The following SBF2 variants were observed in gnomAD, a reference collection of about 807,000 sequenced individuals.
SBF2 encodes the protein SET binding factor 2.
Under a neutral mutation model 225.2 loss-of-function variants are expected in SBF2, and 112 were observed. The ratio of observed to expected loss-of-function variants is 0.50; its 90% CI spans 0.43 to 0.58. The LOEUF is 0.58. SBF2 is among the 20% of genes least tolerant of loss of function. The pLI is 0.00. For synonymous variants in SBF2, 763 were observed against 773.3 expected, an observed-to-expected ratio of 0.99 and a Z score of 0.22; for missense variants, 1,996 against 2,206.2, an observed-to-expected ratio of 0.90 and a Z score of 1.91.
chr11:9,828,499 A>C, intron 28 of SBF2: 2 of 985,462 alleles, frequency 2.0e-6, no homozygotes, highest in Non-Finnish European at 2.4e-6. Context: ...AAGAAAAGCC[A>C]CTTTCTGCTT....
At chr11:10,262,667 TGTCA>T (rs1259733939) in intron 1 of SBF2, among the ~76,000 whole-genome samples, 4 of 152,336 alleles carry the variant, frequency 2.6e-5, no homozygotes, top group African/African-American at 4.8e-5. Context: ...AAAAGACAAC[TGTCA>T]GTCAACTAAA....
intron 17 of SBF2, among the ~76,000 whole-genome samples, chr11:9,892,290 T>C (rs891799290): frequency 2.6e-5 from 4 of 151,978 alleles, no homozygotes; most frequent in East Asian, 3.9e-4. Context: ...GGCTGATTTT[T>C]GTATTTTTAG....
chr11:10,030,504 A>G (rs1949214276), intron 4 of SBF2, among the ~76,000 whole-genome samples: 1 of 152,208 alleles, frequency 6.6e-6, no homozygotes, highest in Non-Finnish European at 1.5e-5. Flanking sequence ...CTCAATTTCT[A>G]GAAAAGTTTT....
At chr11:10,097,478 G>A (rs1026890142) in intron 2 of SBF2, among the ~76,000 whole-genome samples, 1 of 152,086 alleles carries the variant, frequency 6.6e-6, no homozygotes, top group Non-Finnish European at 1.5e-5. Flanking sequence ...TTCAGGCAGA[G>A]ACCACGAAAC....
At chr11:10,180,025 C>T (rs1956668846) in intron 2 of SBF2, among the ~76,000 whole-genome samples, 1 of 152,052 alleles carries the variant, frequency 6.6e-6, no homozygotes, top group Non-Finnish European at 1.5e-5. Context: ...CACTTTTTAA[C>T]TTTTTGTTGT....
intron 1 of SBF2, among the ~76,000 whole-genome samples, chr11:10,278,445 A>T (rs1241848705): frequency 6.6e-6 from 1 of 152,254 alleles, no homozygotes; most frequent in East Asian, 1.9e-4. Context: ...AAATCTTATA[A>T]TATTTAATGA....
At chr11:9,964,875 T>C (rs1590625647) in intron 14 of SBF2, among the ~76,000 whole-genome samples, 1 of 152,206 alleles carries the variant, frequency 6.6e-6, no homozygotes, top group Non-Finnish European at 1.5e-5. Flanking sequence ...ATCAATAGTT[T>C]TTTTTTGCAT....
intron 16 of SBF2, among the ~76,000 whole-genome samples, chr11:9,906,663 C>A (rs993400736): frequency 6.6e-6 from 1 of 152,200 alleles, no homozygotes; most frequent in Non-Finnish European, 1.5e-5. Flanking sequence ...CAACCGCATT[C>A]CAGAATTGTG....
rs1388585918 is a variant in SBF2, at chr11:9,856,708, C to G, written c.2113G>C (p.Asp705His). 1.2e-6 allele frequency: 2 copies of G among 1,613,838 alleles called. No individual in the cohort carries two copies. The highest frequency in any genetic ancestry group is 2.2e-5 in the East Asian group (1 of 44,882). The change falls in exon 19 of 40, where the codon GAT (aspartate) becomes CAT (histidine). Residue 705 changes from aspartate (D) to histidine (H), a missense_variant. Coordinates refer to ENST00000256190, the MANE Select transcript of SBF2 (RefSeq NM_030962.4). ...GCTGTCTTCTCCTGATAATGGTCATCAGGAAGCTTATCCTAAAAAATAAAG... is the reference window on the plus strand; with the variant it reads ...GCTGTCTTCTCCTGATAATGGTCATGAGGAAGCTTATCCTAAAAAATAAAG... ...PHLKQKDKLP[D>H]DHYQEKTAMD...
chr11:10,152,410 G>T (rs899454873), intron 2 of SBF2, among the ~76,000 whole-genome samples: 1 of 151,964 alleles, frequency 6.6e-6, no homozygotes, highest in Non-Finnish European at 1.5e-5. Flanking sequence ...TTAGCCGGGC[G>T]TGGTGGTGCA....
intron 1 of SBF2, among the ~76,000 whole-genome samples, chr11:10,200,545 C>T (rs1957534922): frequency 6.6e-6 from 1 of 152,130 alleles, no homozygotes; most frequent in Admixed American, 6.5e-5. Flanking sequence ...CTTTTTAAAA[C>T]ATGTTTAATG....
intron 16 of SBF2, among the ~76,000 whole-genome samples, chr11:9,930,212 T>A (rs1029807138): frequency 1.3e-5 from 2 of 152,190 alleles, no homozygotes; most frequent in Non-Finnish European, 2.9e-5. Flanking sequence ...TTATAATGAT[T>A]TAAAATTCAT....
rs746509560 is a variant in SBF2 at position 10,029,847 on chromosome 11, T to C, written c.431A>G (p.Tyr144Cys). 2 of 1,613,686 alleles carry C rather than the reference T, an allele frequency of 1.2e-6. No homozygotes were observed. Among genetic ancestry groups the C allele is most frequent in the Non-Finnish European group, 1.7e-6 (2 of 1,179,614 alleles). ...RACLGLIYTVYVDSLNVSLES... is the reference protein window; with the variant it reads ...RACLGLIYTVCVDSLNVSLES... ...CAAGGAGACATTCAGGCTGTCCACA[T>C]ACACGGTATAGATCAAACCCAGGCA... The change falls in exon 5 of 40, where the codon TAT becomes TGT. Residue 144 changes from tyrosine to cysteine, a missense_variant. By Grantham distance (194) the Tyr-to-Cys change is radical. Transcript: ENST00000256190.
chr11:9,925,291 T>C (rs11042546), intron 16 of SBF2, among the ~76,000 whole-genome samples: 65 of 152,096 alleles, frequency 4.3e-4, no homozygotes, highest in Admixed American at 7.9e-4. Context: ...ATGATATATA[T>C]ATATATATAT....
At chr11:9,948,693 C>T (rs1303734992) in intron 16 of SBF2, among the ~76,000 whole-genome samples, 1 of 152,154 alleles carries the variant, frequency 6.6e-6, no homozygotes, top group African/African-American at 2.4e-5. Flanking sequence ...TATATGTATG[C>T]ATTCCTAACT....
chr11:9,933,466 A>G (rs1197941917), intron 16 of SBF2, among the ~76,000 whole-genome samples: 1 of 152,240 alleles, frequency 6.6e-6, no homozygotes, highest in Non-Finnish European at 1.5e-5. Context: ...TGTGTCTCAG[A>G]CCACAGTGCA....
intron 28 of SBF2, among the ~76,000 whole-genome samples, chr11:9,826,963 G>C (rs958880077): frequency 2.6e-5 from 4 of 151,886 alleles, no homozygotes; most frequent in African/African-American, 9.7e-5. Flanking sequence ...TCAGCCTCCT[G>C]AGTAGCTGAG....
chr11:10,288,368 G>C (rs1242215436), intron 1 of SBF2, among the ~76,000 whole-genome samples: 3 of 152,202 alleles, frequency 2.0e-5, no homozygotes, highest in African/African-American at 4.8e-5. Context: ...ACCCACAGTG[G>C]ACAGCTCTTC....
chr11:10,059,258 G>A (rs372929129), intron 2 of SBF2, among the ~76,000 whole-genome samples: 1 of 152,110 alleles, frequency 6.6e-6, no homozygotes, highest in East Asian at 1.9e-4. Flanking sequence ...ATGATATGTT[G>A]TCTTCAAGAG....
Sources: gnomAD v4.1 joint callset for allele counts (sites outside exome capture counted in the v4.1 genomes callset) on GRCh38, gnomAD v4.1.1 for gene constraint, MANE v1.5 for transcripts, NCBI Gene and HGNC (gene_info 2026-07-23, HGNC 2026-07-21) for gene names.